The following LAMA2 variants were observed in gnomAD, a reference collection of about 807,000 sequenced individuals.
LAMA2 encodes the protein laminin subunit alpha 2, also known as laminin subunit alpha-2.
LAMA2 carries 269 observed loss-of-function variants against 364.8 expected under a neutral mutation model. The observed-to-expected ratio is 0.74, with a 90% CI of 0.67 to 0.82. LAMA2 has a LOEUF of 0.82. LAMA2 is among the 40% of genes least tolerant of loss of function. The pLI, the probability that LAMA2 is intolerant of heterozygous loss-of-function variation, is 0.00. For missense variants in LAMA2, 3,807 were observed against 3,873.2 expected (o/e 0.98, Z 0.45); for synonymous variants, 1,379 against 1,370.6 (o/e 1.01, Z -0.14).
At chr6:129,227,890 T>C (rs925145537) in intron 12 of LAMA2, among the ~76,000 whole-genome samples, 3 of 152,200 alleles carry the variant, frequency 2.0e-5, no homozygotes, top group Non-Finnish European at 4.4e-5. Flanking sequence ...CAGAGGTTTC[T>C]GCTGTCTTTT....
intron 1 of LAMA2, chr6:128,929,610 T>G: frequency 7.3e-7 from 1 of 1,365,132 alleles, no homozygotes; most frequent in East Asian, 2.3e-5. Context: ...GCAAAAGCGC[T>G]TCCACGATGC....
In LAMA2 at chr6:129,050,182, T is replaced by C. The variant is rs149634485; in HGVS notation, c.283+94T>C. 3,224 of 1,224,460 alleles carry C rather than the reference T, an allele frequency of 2.6e-3. 11 individuals are homozygous for C. The highest frequency in any genetic ancestry group is 3.5e-3 in the Non-Finnish European group (2,922 of 840,768). 75.8% of individuals were successfully genotyped at this position (1,224,460 alleles called of 1,614,324 possible). On this transcript the variant is annotated intron_variant, in intron 2 of 64. Coordinates refer to ENST00000421865, the MANE Select transcript of LAMA2 (RefSeq NM_000426.4). ...TTGCATTAAATTCAAGGGTTTGTAA[T>C]ACTAAGAATTCCTAGAATTCTTTTT...
At chr6:128,985,018 G>GT (rs761473845) in intron 1 of LAMA2, among the ~76,000 whole-genome samples, 5 of 152,148 alleles carry the variant, frequency 3.3e-5, no homozygotes, top group Non-Finnish European at 7.4e-5. Flanking sequence ...TACAAAGACT[G>GT]TATCACTTTT....
chr6:128,968,547 A>T (rs2114611614), intron 1 of LAMA2, among the ~76,000 whole-genome samples: 1 of 152,308 alleles, frequency 6.6e-6, no homozygotes, highest in Admixed American at 6.5e-5. Flanking sequence ...TTGAAGGGGT[A>T]GTCAAGAAAG....
At chr6:128,993,271 G>A (rs2114664373) in intron 1 of LAMA2, among the ~76,000 whole-genome samples, 1 of 152,338 alleles carries the variant, frequency 6.6e-6, no homozygotes, top group South Asian at 2.1e-4. Context: ...GTGGAAAAAT[G>A]TATACATAAT....
At position 129,366,352 on chromosome 6, in the gene LAMA2, G is replaced by A. The variant is rs2114620183; in HGVS notation, c.4851G>A (p.Gln1617=). 1 of 1,613,652 alleles carries A rather than the reference G, an allele frequency of 6.2e-7. No individual in the cohort carries two copies. Among genetic ancestry groups the A allele is most frequent in the Non-Finnish European group, 8.5e-7 (1 of 1,179,960 alleles). The change falls in exon 33 of 65, where the codon CAG becomes CAA. Residue 1617 remains glutamine, a synonymous_variant. Coordinates refer to ENST00000421865, the MANE Select transcript of LAMA2 (RefSeq NM_000426.4). ...KMLYGLENMT[Q]ELKHLLSPQR... is the part of the protein sequence containing the mutation. ...TGTATGGTCTTGAAAATATGACTCAGGAGCTAAAGGTAGGTTGGTGCAGTC... is the reference window on the plus strand; with the variant it reads ...TGTATGGTCTTGAAAATATGACTCAAGAGCTAAAGGTAGGTTGGTGCAGTC...
At chr6:129,158,139 G>T (rs1779234401) in intron 8 of LAMA2, 10 of 1,612,532 alleles carry the variant, frequency 6.2e-6, no homozygotes, top group South Asian at 1.1e-5. Context: ...CAGGGCTCTG[G>T]TGTCCAGCGT....
chr6:128,920,748 C>T (rs1323383087), intron 1 of LAMA2, among the ~76,000 whole-genome samples: 1 of 150,870 alleles, frequency 6.6e-6, no homozygotes, highest in Non-Finnish European at 1.5e-5. Flanking sequence ...TATGTGTGTG[C>T]ACATGTTGAA....
chr6:129,021,359 A>G (rs1358647045), intron 1 of LAMA2, among the ~76,000 whole-genome samples: 1 of 152,206 alleles, frequency 6.6e-6, no homozygotes, highest in Non-Finnish European at 1.5e-5. Context: ...CAGAAAGGTA[A>G]ATTATTCTGA....
At chr6:129,157,679 T>A (rs1779195995) in intron 8 of LAMA2, 4 of 1,611,958 alleles carry the variant, frequency 2.5e-6, no homozygotes, top group Non-Finnish European at 3.4e-6. Context: ...TAGACACAAT[T>A]GGCCGCAAAC....
intron 41 of LAMA2, among the ~76,000 whole-genome samples, chr6:129,428,359 A>G (rs1048709553): frequency 6.6e-6 from 1 of 152,248 alleles, no homozygotes; most frequent in African/African-American, 2.4e-5. Flanking sequence ...GCTTTAGCCC[A>G]GGGGCGTGAA....
chr6:129,009,208 A>G (rs1345760599), intron 1 of LAMA2, among the ~76,000 whole-genome samples: 3 of 152,214 alleles, frequency 2.0e-5, no homozygotes, highest in East Asian at 1.9e-4. Flanking sequence ...TTAAAAGTCT[A>G]TAAAATACTT....
At chr6:129,281,039 C>G (rs112357271) in intron 18 of LAMA2, among the ~76,000 whole-genome samples, 1,714 of 152,194 alleles carry the variant, frequency 0.011, 55 homozygotes, top group African/African-American at 0.039. Flanking sequence ...GCCTATCACC[C>G]AGAGAGAATT....
At chr6:129,051,367 C>T (rs1253653403) in intron 2 of LAMA2, among the ~76,000 whole-genome samples, 10 of 149,408 alleles carry the variant, frequency 6.7e-5, no homozygotes, top group Non-Finnish European at 1.3e-4. Flanking sequence ...GGCTGGAGTG[C>T]AGTGGTGCGA....
chr6:129,398,633 C>T (rs746388466), intron 37 of LAMA2, among the ~76,000 whole-genome samples: 1 of 151,858 alleles, frequency 6.6e-6, no homozygotes, highest in Non-Finnish European at 1.5e-5. Context: ...CACCACCACA[C>T]CCAGCTAATT....
At chr6:129,265,654 G>A (rs973631791) in intron 15 of LAMA2, among the ~76,000 whole-genome samples, 5 of 151,734 alleles carry the variant, frequency 3.3e-5, no homozygotes, top group Admixed American at 3.3e-4. Context: ...TTGGTTGTGG[G>A]GGTTGAAAAA....
intron 1 of LAMA2, among the ~76,000 whole-genome samples, chr6:128,918,583 T>TA (rs1230715104): frequency 6.6e-6 from 1 of 152,222 alleles, no homozygotes; most frequent in African/African-American, 2.4e-5. Context: ...ATTGTAGAAC[T>TA]AAAAACCTAG....
At chr6:128,892,973 A>C (rs74961358) in intron 1 of LAMA2, among the ~76,000 whole-genome samples, 10,143 of 151,918 alleles carry the variant, frequency 0.067, 1,013 homozygotes, top group African/African-American at 0.21. Context: ...TTCAGACAAA[A>C]CACTTCTTAA....
chr6:129,296,600 A>G (rs1583438470), intron 20 of LAMA2, among the ~76,000 whole-genome samples: 1 of 152,086 alleles, frequency 6.6e-6, no homozygotes, highest in East Asian at 1.9e-4. Flanking sequence ...TACTAACAAT[A>G]ATATCTAAAA....
Sources: gnomAD v4.1 joint callset for allele counts (sites outside exome capture counted in the v4.1 genomes callset) on GRCh38, gnomAD v4.1.1 for gene constraint, MANE v1.5 for transcripts, NCBI Gene and HGNC (gene_info 2026-07-23, HGNC 2026-07-21) for gene names.